Variants in CFAP44 observed in about 807,000 individuals in gnomAD.
CFAP44 encodes cilia- and flagella-associated protein 44.
A neutral mutation model predicts 216.2 loss-of-function variants in CFAP44; 134 were observed. The observed-to-expected ratio is 0.62, with a 90% CI of 0.54 to 0.72. The LOEUF is 0.72. CFAP44 is among the 30% of genes least tolerant of loss of function. CFAP44 has a pLI of 0.00. For missense variants in CFAP44, 2,035 were observed against 2,182.1 expected, an observed-to-expected ratio of 0.93 and a Z score of 1.34; for synonymous variants, 700 against 727.6, an observed-to-expected ratio of 0.96 and a Z score of 0.61.
At chr3:113,366,565 TAAGAAG>T (rs1333779923) in intron 18 of CFAP44, among the ~76,000 whole-genome samples, 1 of 152,142 alleles carries the variant, frequency 6.6e-6, no homozygotes, top group Non-Finnish European at 1.5e-5. Context: ...GGTGTACTCA[TAAGAAG>T]AAGATATCAA....
chr3:113,314,086 A>T (rs1950065693), intron 28 of CFAP44, among the ~76,000 whole-genome samples: 1 of 152,212 alleles, frequency 6.6e-6, no homozygotes, highest in South Asian at 2.1e-4. Context: ...ATAATGAAAG[A>T]TCTAATATTT....
At chr3:113,336,559 T>G (rs906844244) in intron 24 of CFAP44, among the ~76,000 whole-genome samples, 1 of 152,096 alleles carries the variant, frequency 6.6e-6, no homozygotes, top group Non-Finnish European at 1.5e-5. Context: ...AAATTTTAAA[T>G]TTGTATTTAA....
intron 6 of CFAP44, among the ~76,000 whole-genome samples, chr3:113,412,680 A>G (rs930971058): frequency 2.0e-5 from 3 of 152,156 alleles, no homozygotes; most frequent in African/African-American, 7.2e-5. Flanking sequence ...AGCTTCATCC[A>G]TGTCCCTGCA....
At chr3:113,403,048 A>G (rs1232610121) in intron 9 of CFAP44, among the ~76,000 whole-genome samples, 1 of 152,160 alleles carries the variant, frequency 6.6e-6, no homozygotes, top group Non-Finnish European at 1.5e-5. Flanking sequence ...AATATTAAAC[A>G]CAGTAAGCTC....
chr3:113,308,346 T>G, intron 28 of CFAP44, 78 bp from the exon 29 acceptor site: 1 of 1,141,306 alleles, frequency 8.8e-7, no homozygotes, highest in Non-Finnish European at 1.2e-6. Context: ...GTAAACTATT[T>G]TTCAATGAGT....
At chr3:113,361,225 A>G in intron 21 of CFAP44, 1 of 211,260 alleles carries the variant, frequency 4.7e-6, no homozygotes, top group South Asian at 9.3e-5. Context: ...TGAGAGAGAT[A>G]AACCGCGTAT....
chr3:113,420,645 C>T (rs1030726546), intron 4 of CFAP44, among the ~76,000 whole-genome samples: 2 of 152,124 alleles, frequency 1.3e-5, no homozygotes, highest in Non-Finnish European at 2.9e-5. Flanking sequence ...ATTCACAATG[C>T]CTGTTAAGTT....
intron 22 of CFAP44, among the ~76,000 whole-genome samples, chr3:113,348,444 CT>C (rs1950410386): frequency 6.6e-6 from 1 of 152,164 alleles, no homozygotes; most frequent in Non-Finnish European, 1.5e-5. Context: ...GCAGCTTGAC[CT>C]TTTCTGTAAG....
rs533383059 is a variant in CFAP44 at position 113,356,748 on chromosome 3, GC to G, written c.3065+1996del. Among the ~76,000 whole-genome samples, 298 of 152,146 alleles carry G rather than the reference GC, an allele frequency of 2.0e-3. 1 individual carries two copies. Among genetic ancestry groups the G allele is most frequent in the African/African-American group, 6.9e-3 (285 of 41,528 alleles). On this transcript the variant is annotated intron_variant, in intron 22 of 34. Coordinates refer to ENST00000393845, the MANE Select transcript of CFAP44 (RefSeq NM_001164496.2). ...GAATTATTTTATGAATTGGGAGTAG[GC>G]AAAAGTTCTTTAAGTATAACACAAA... is the stretch of plus-strand genomic sequence containing the variant.
At chr3:113,325,456 T>A (rs1353097215) in intron 28 of CFAP44, among the ~76,000 whole-genome samples, 1 of 152,192 alleles carries the variant, frequency 6.6e-6, no homozygotes. Flanking sequence ...ATTTTTTATT[T>A]TTTTTGGAGA....
At chr3:113,375,364 A>G (rs1272322580) in intron 17 of CFAP44, among the ~76,000 whole-genome samples, 2 of 152,244 alleles carry the variant, frequency 1.3e-5, no homozygotes, top group Non-Finnish European at 2.9e-5. Flanking sequence ...TTCAATAAAA[A>G]GCAATTGGAA....
At chr3:113,311,766 T>A (rs1243006193) in intron 28 of CFAP44, among the ~76,000 whole-genome samples, 2 of 152,156 alleles carry the variant, frequency 1.3e-5, no homozygotes, top group African/African-American at 4.8e-5. Context: ...GTTTGGGACT[T>A]CCTAAAGATT....
At position 113,409,247 on chromosome 3, in the gene CFAP44, G is replaced by C. The variant is rs1196609287; in HGVS notation, c.749C>G (p.Pro250Arg). The change falls in exon 7 of 35, where the codon CCT (proline) becomes CGT (arginine). Residue 250 changes from proline to arginine, a missense_variant. Coordinates refer to ENST00000393845, the MANE Select transcript of CFAP44 (RefSeq NM_001164496.2). The stretch of plus-strand genomic sequence containing the variant: ...GTTCCAGATAGTCAGTGTGTAGTCA[G>C]GGTTACTACCAACAGAGGCCAGCAA... ...GNLLASVGSN[P>R]DYTLTIWNWK... 10 of 1,613,994 alleles carry C rather than the reference G, an allele frequency of 6.2e-6. No individual in the cohort carries two copies. Among genetic ancestry groups the C allele is most frequent in the African/African-American group, 1.3e-5 (1 of 74,898 alleles).
chr3:113,318,718 C>T (rs768038941), intron 28 of CFAP44, among the ~76,000 whole-genome samples: 1 of 152,122 alleles, frequency 6.6e-6, no homozygotes, highest in Admixed American at 6.6e-5. Context: ...ATCAGGCTAG[C>T]AGCAGACCTC....
chr3:113,336,421 G>C (rs1225015350), intron 24 of CFAP44, among the ~76,000 whole-genome samples: 1 of 151,858 alleles, frequency 6.6e-6, no homozygotes, highest in Non-Finnish European at 1.5e-5. Flanking sequence ...ATATAAGGGA[G>C]TAATATAAAC....
intron 2 of CFAP44, among the ~76,000 whole-genome samples, chr3:113,427,854 G>A (rs1476306343): frequency 3.3e-5 from 5 of 152,038 alleles, no homozygotes; most frequent in African/African-American, 9.7e-5. Flanking sequence ...CAAACATGAG[G>A]ATGGTTAAAA....
chr3:113,392,712 T>C (rs1245604429), intron 15 of CFAP44, among the ~76,000 whole-genome samples: 1 of 146,140 alleles, frequency 6.8e-6, no homozygotes, highest in East Asian at 2.3e-4. Flanking sequence ...AAATTACAAA[T>C]AATAATAATA....
chr3:113,333,309 T>C (rs945242697), intron 25 of CFAP44, 97 bp downstream of exon 25: 4 of 1,040,948 alleles, frequency 3.8e-6, no homozygotes, highest in Middle Eastern at 2.7e-4. Flanking sequence ...TGGTTATATA[T>C]TCTTATTGAC....
intron 28 of CFAP44, among the ~76,000 whole-genome samples, chr3:113,315,862 C>G (rs990502105): frequency 6.6e-6 from 1 of 152,204 alleles, no homozygotes; most frequent in Non-Finnish European, 1.5e-5. Context: ...TCTGAGCATT[C>G]TGAAGCCAAG....
Sources: gnomAD v4.1 joint callset for allele counts (sites outside exome capture counted in the v4.1 genomes callset) on GRCh38, gnomAD v4.1.1 for gene constraint, MANE v1.5 for transcripts, NCBI Gene and HGNC (gene_info 2026-07-23, HGNC 2026-07-21) for gene names.